FLYWCH2: variants seen among roughly 807,000 people sequenced by gnomAD.
The protein encoded by FLYWCH2 is FLYWCH family member 2.
Under a neutral mutation model 6.0 loss-of-function variants are expected in FLYWCH2, and 2 were observed. The observed-to-expected ratio is 0.33, with a 90% confidence interval of 0.14 to 1.04. The LOEUF is 1.04. Ranked by LOEUF, FLYWCH2 falls within the 50% of genes least tolerant of loss-of-function variation. The probability of loss-of-function intolerance (pLI) is 0.45; values close to 1 mark genes in which losing one functional copy is unlikely to be tolerated. For synonymous variants in FLYWCH2, 87 were observed against 79.3 expected (o/e 1.10, Z -0.52); for missense variants, 192 against 183.4 (o/e 1.05, Z -0.27).
chr16:2,898,187 C>T (rs1430010148), intron 3 of FLYWCH2, among the ~76,000 whole-genome samples: 2 of 152,194 alleles, frequency 1.3e-5, no homozygotes, highest in African/African-American at 2.4e-5. Context: ...GTGGTGTCCG[C>T]AGCCACAGGC....
In FLYWCH2 at chr16:2,890,222, G is replaced by T. The variant is rs914970116; in HGVS notation, c.-199-4998G>T. 3.6e-3 allele frequency among the ~76,000 whole-genome samples: 383 copies of T among 107,624 alleles called. 2 individuals are homozygous for T. Among genetic ancestry groups the T allele is most frequent in the African/African-American group, 0.012 (342 of 28,358 alleles). 70.6% of individuals were successfully genotyped at this position (107,624 alleles called of 152,430 possible). ...TTTGTGTGCGTGTGTGTGTTTTTTT[G>T]TTTTTGTTTTTTTTTTTTTGTTTTT... is the stretch of plus-strand genomic sequence containing the variant. On this transcript the variant is annotated intron_variant, in intron 1 of 3. Coordinates refer to ENST00000396958, the MANE Select transcript of FLYWCH2 (RefSeq NM_138439.3).
chr16:2,893,379 T>C (rs947896930), intron 1 of FLYWCH2, among the ~76,000 whole-genome samples: 1 of 152,166 alleles, frequency 6.6e-6, no homozygotes, highest in East Asian at 1.9e-4. Flanking sequence ...AGACATCATT[T>C]TGGAGATTCC....
chr16:2,896,900 G>C (rs760988051), intron 3 of FLYWCH2, 129 bp downstream of exon 3: 8 of 884,904 alleles, frequency 9.0e-6, no homozygotes, highest in Non-Finnish European at 1.4e-5. Context: ...ACCACGTGTG[G>C]AGAGCAGTGG....
intron 1 of FLYWCH2, among the ~76,000 whole-genome samples, chr16:2,884,064 G>A (rs1002793218): frequency 6.6e-6 from 1 of 152,152 alleles, no homozygotes; most frequent in African/African-American, 2.4e-5. Context: ...TCATCCTGTC[G>A]GGGTCAATAA....
intron 1 of FLYWCH2, among the ~76,000 whole-genome samples, chr16:2,886,593 C>T (rs1471484523): frequency 7.6e-6 from 1 of 131,946 alleles, no homozygotes; most frequent in African/African-American, 3.1e-5. Context: ...GCAATCTCAG[C>T]TTACCGCAAC....
intron 1 of FLYWCH2, among the ~76,000 whole-genome samples, chr16:2,893,225 C>A (rs942723585): frequency 2.0e-5 from 3 of 152,092 alleles, no homozygotes; most frequent in African/African-American, 7.2e-5. Flanking sequence ...TCAACTTAAC[C>A]TTCAGGCCCT....
At chr16:2,892,111 G>C (rs909494297) in intron 1 of FLYWCH2, among the ~76,000 whole-genome samples, 1 of 152,112 alleles carries the variant, frequency 6.6e-6, no homozygotes, top group Non-Finnish European at 1.5e-5. Context: ...AGAATTGCTT[G>C]AACCTGGGAG....
chr16:2,887,669 C>T (rs1406974159), intron 1 of FLYWCH2, among the ~76,000 whole-genome samples: 1 of 151,354 alleles, frequency 6.6e-6, no homozygotes, highest in African/African-American at 2.4e-5. Context: ...CTCCCAGGCT[C>T]AAGCAACGCT....
intron 1 of FLYWCH2, among the ~76,000 whole-genome samples, chr16:2,892,400 A>T (rs760135027): frequency 3.3e-5 from 5 of 151,664 alleles, no homozygotes; most frequent in Non-Finnish European, 7.4e-5. Context: ...TGAGTCTGAG[A>T]CAGGAGAATA....
chr16:2,883,645 G>A (rs1375150342), intron 1 of FLYWCH2, among the ~76,000 whole-genome samples: 1 of 152,152 alleles, frequency 6.6e-6, no homozygotes, highest in African/African-American at 2.4e-5. Flanking sequence ...CGCGCCCAGC[G>A]CTGCCTTCCC....
chr16:2,892,987 T>C (rs1229260754), intron 1 of FLYWCH2, among the ~76,000 whole-genome samples: 1 of 135,668 alleles, frequency 7.4e-6, no homozygotes, highest in Admixed American at 7.7e-5. Flanking sequence ...ATTATATATG[T>C]CACATATATA....
At chr16:2,885,941 T>C (rs895739693) in intron 1 of FLYWCH2, among the ~76,000 whole-genome samples, 4 of 152,148 alleles carry the variant, frequency 2.6e-5, no homozygotes, top group Admixed American at 2.6e-4. Flanking sequence ...CATTTTACAT[T>C]CCCCTCAGCA....
chr16:2,892,148 C>T (rs191613156), intron 1 of FLYWCH2, among the ~76,000 whole-genome samples: 15 of 151,756 alleles, frequency 9.9e-5, no homozygotes, highest in Middle Eastern at 3.4e-3. Flanking sequence ...GCTGAGATTG[C>T]GACATTGCAC....
intron 1 of FLYWCH2, among the ~76,000 whole-genome samples, chr16:2,886,093 T>C (rs1284024635): frequency 6.6e-6 from 1 of 152,222 alleles, no homozygotes; most frequent in Non-Finnish European, 1.5e-5. Context: ...TGACTAATGA[T>C]GTTGAGCATC....
intron 1 of FLYWCH2, among the ~76,000 whole-genome samples, chr16:2,885,190 C>T (rs994380325): frequency 5.3e-5 from 8 of 151,980 alleles, no homozygotes; most frequent in South Asian, 2.1e-4. Context: ...GGCGTGGTGG[C>T]AGGCGCCTGT....
intron 1 of FLYWCH2, among the ~76,000 whole-genome samples, chr16:2,887,800 C>T (rs954426604): frequency 6.6e-6 from 1 of 151,776 alleles, no homozygotes; most frequent in Non-Finnish European, 1.5e-5. Flanking sequence ...CTCCTGGGTT[C>T]AAGCGATCCT....
intron 3 of FLYWCH2, chr16:2,897,013 T>C (rs2285826): frequency 0.85 from 485,892 of 574,084 alleles, 206,912 homozygotes; most frequent in Non-Finnish European, 0.88. Context: ...ATGCGCTGCC[T>C]ACTGGCTCCT....
intron 3 of FLYWCH2, 161 bp downstream of exon 3, chr16:2,896,932 C>G (rs1188648466): frequency 1.1e-5 from 8 of 717,562 alleles, no homozygotes; most frequent in African/African-American, 1.8e-5. Context: ...GGGCACAGGC[C>G]TGGGCATCCG....
chr16:2,896,514 C>A lies in FLYWCH2; in HGVS notation c.65C>A (p.Pro22His). 1 of 1,614,114 alleles carries A rather than the reference C, an allele frequency of 6.2e-7. No individual in the cohort carries two copies. The highest frequency in any genetic ancestry group is 8.5e-7 in the Non-Finnish European group (1 of 1,179,986). Reference sequence around the variant, plus strand: ...GTGAAGGCCAGCCAGGAGCCATCCCCCAAGCCAGGCACAGAAGTCATCCCG... The same window carrying A: ...GTGAAGGCCAGCCAGGAGCCATCCCACAAGCCAGGCACAGAAGTCATCCCG... ...ESVKASQEPS[P>H]KPGTEVIPAA... Residue 22 changes from proline to histidine, a missense_variant, in exon 3 of 4, where the codon CCC becomes CAC. Transcript: ENST00000396958.
Sources: gnomAD v4.1 joint callset for allele counts (sites outside exome capture counted in the v4.1 genomes callset) on GRCh38, gnomAD v4.1.1 for gene constraint, MANE v1.5 for transcripts, NCBI Gene and HGNC (gene_info 2026-07-23, HGNC 2026-07-21) for gene names.